The following SPMAP2L variants were observed in gnomAD, a reference collection of about 807,000 sequenced individuals.
SPMAP2L encodes sperm microtubule associated protein 2-like.
the SPMAP2L span, among the ~76,000 whole-genome samples, chr4:56,596,855 C>T: frequency 6.6e-6 from 1 of 152,214 alleles, no homozygotes; most frequent in African/African-American, 2.4e-5. Context: ...ATTCAAATTG[C>T]AGCCTCGTCA....
the SPMAP2L span, among the ~76,000 whole-genome samples, chr4:56,615,748 A>AAAACAAACAAAC: frequency 2.7e-5 from 4 of 150,698 alleles, no homozygotes; most frequent in South Asian, 2.1e-4. Context: ...ACTGTATCTC[A>AAAACAAACAAAC]AAACAAACAA....
At chr4:56,592,749 C>T in the SPMAP2L span, among the ~76,000 whole-genome samples, 2 of 151,984 alleles carry the variant, frequency 1.3e-5, no homozygotes, top group Non-Finnish European at 2.9e-5. Context: ...CTGTGCTGGG[C>T]GCCGTGGGGC....
chr4:56,537,971 G>A, the SPMAP2L span, among the ~76,000 whole-genome samples: 3 of 151,760 alleles, frequency 2.0e-5, no homozygotes, highest in Non-Finnish European at 2.9e-5. Context: ...GGGATTACAG[G>A]CGTGAGCCAC....
the SPMAP2L span, among the ~76,000 whole-genome samples, chr4:56,592,137 C>A: frequency 6.6e-6 from 1 of 152,130 alleles, no homozygotes; most frequent in Non-Finnish European, 1.5e-5. Context: ...GGAGCGTGAA[C>A]CCTATTGTTA....
At chr4:56,560,620 G>A in the SPMAP2L span, among the ~76,000 whole-genome samples, 3 of 152,170 alleles carry the variant, frequency 2.0e-5, no homozygotes, top group Admixed American at 6.5e-5. Flanking sequence ...TTGAGATGAT[G>A]TCTTGCTATG....
At chr4:56,589,508 G>A in the SPMAP2L span, among the ~76,000 whole-genome samples, 3 of 152,120 alleles carry the variant, frequency 2.0e-5, no homozygotes, top group Non-Finnish European at 4.4e-5. Context: ...CACTGAATTT[G>A]TAGATTGCTT....
chr4:56,608,132 A>T, the SPMAP2L span, among the ~76,000 whole-genome samples: 1 of 152,194 alleles, frequency 6.6e-6, no homozygotes. Context: ...AAGAAAAAAA[A>T]GAACCTTGGT....
chr4:56,576,336 G>A, the SPMAP2L span, among the ~76,000 whole-genome samples: 1 of 152,180 alleles, frequency 6.6e-6, no homozygotes, highest in Non-Finnish European at 1.5e-5. Context: ...TAAGAAAGTG[G>A]TGACAGCTGT....
chr4:56,576,861 A>G, the SPMAP2L span, among the ~76,000 whole-genome samples: 51 of 152,344 alleles, frequency 3.3e-4, no homozygotes, highest in African/African-American at 1.1e-3. Context: ...GCATGTAAAT[A>G]AAATGCCCTT....
At chr4:56,594,820 AG>A in the SPMAP2L span, 678 of 1,567,358 alleles carry the variant, frequency 4.3e-4, no homozygotes, top group Middle Eastern at 1.3e-3. Context: ...ATCAACATGG[AG>A]GATAGGTCTA....
At chr4:56,531,182 C>T in the SPMAP2L span, 4 of 1,515,156 alleles carry the variant, frequency 2.6e-6, no homozygotes, top group African/African-American at 2.7e-5. Flanking sequence ...AGGTGTTCCC[C>T]TTCCCTCGTC....
the SPMAP2L span, among the ~76,000 whole-genome samples, chr4:56,579,969 C>T: frequency 1.3e-5 from 2 of 152,090 alleles, no homozygotes; most frequent in African/African-American, 4.8e-5. Flanking sequence ...CAGCTCAGAA[C>T]CAGATGGCTT....
the SPMAP2L span, among the ~76,000 whole-genome samples, chr4:56,573,162 T>C: frequency 6.6e-6 from 1 of 152,160 alleles, no homozygotes; most frequent in Non-Finnish European, 1.5e-5. Context: ...GGAAAAGATA[T>C]GCAAATATGA....
chr4:56,559,266 G>A, the SPMAP2L span: 26 of 886,978 alleles, frequency 2.9e-5, no homozygotes, highest in East Asian at 4.6e-4. Flanking sequence ...GAGCCACTGC[G>A]CTCCACTCCA....
At chr4:56,596,729 A>G in the SPMAP2L span, 1 of 1,261,378 alleles carries the variant, frequency 7.9e-7, no homozygotes, top group African/African-American at 1.5e-5. Flanking sequence ...TCACTGGAAA[A>G]GAGAATCTGG....
At chr4:56,573,381 G>A in the SPMAP2L span, among the ~76,000 whole-genome samples, 1 of 152,138 alleles carries the variant, frequency 6.6e-6, no homozygotes, top group Non-Finnish European at 1.5e-5. Flanking sequence ...CTGGCATTTG[G>A]TGGTTGCCAT....
At chr4:56,534,439 C>G in the SPMAP2L span, among the ~76,000 whole-genome samples, 1 of 152,188 alleles carries the variant, frequency 6.6e-6, no homozygotes, top group Non-Finnish European at 1.5e-5. Context: ...GTTGAAGTGA[C>G]CAATGGCTTA....
the SPMAP2L span, among the ~76,000 whole-genome samples, chr4:56,543,932 GA>G: frequency 0.035 from 2,748 of 78,848 alleles, 123 homozygotes; most frequent in African/African-American, 0.11. Flanking sequence ...GTGTATGTGA[GA>G]GAGAGAGAGA....
chr4:56,601,935 A>G, the SPMAP2L span, among the ~76,000 whole-genome samples: 5 of 152,222 alleles, frequency 3.3e-5, no homozygotes, highest in Admixed American at 2.6e-4. Flanking sequence ...ATTTGTTTGC[A>G]TATGCCTGTA....
Sources: allele counts gnomAD v4.1 joint callset (sites outside exome capture counted in the v4.1 genomes callset), GRCh38; gene constraint gnomAD v4.1.1; transcripts MANE v1.5; gene names NCBI Gene and HGNC (gene_info 2026-07-23, HGNC 2026-07-21).